Variants in NYNRIN observed in about 807,000 individuals in gnomAD.
NYNRIN encodes NYN domain and retroviral integrase containing.
In NYNRIN, 86 loss-of-function variants were observed where a neutral mutation model predicts 146.6. That is an observed-to-expected ratio of 0.59 (90% confidence interval 0.49 to 0.70). NYNRIN has a LOEUF of 0.70. Among genes scored for constraint, NYNRIN ranks in the 30% least tolerant of loss-of-function variants. NYNRIN has a pLI of 0.00. For synonymous variants in NYNRIN, 1,027 were observed against 1,001.3 expected, an observed-to-expected ratio of 1.03 and a Z score of -0.48; for missense variants, 2,191 against 2,377.7, an observed-to-expected ratio of 0.92 and a Z score of 1.63.
chr14:24,409,108 G>A lies in NYNRIN; in HGVS notation c.1314G>A (p.Leu438=). The A allele has an allele frequency of 6.2e-7, 1 of 1,613,776 alleles. No homozygotes were observed. The highest frequency in any genetic ancestry group is 8.5e-7 in the Non-Finnish European group (1 of 1,179,830). The change falls in exon 4 of 9, where the codon CTG becomes CTA. Residue 438 remains leucine, a synonymous_variant. Coordinates refer to ENST00000382554, the MANE Select transcript of NYNRIN (RefSeq NM_025081.3). Reference sequence around the variant, plus strand: ...CAGCTGGTAGACCAGATGGGGGGCTGGGAGGAGAAGCAGCCCTGCAGAATT... The same window carrying A: ...CAGCTGGTAGACCAGATGGGGGGCTAGGAGGAGAAGCAGCCCTGCAGAATT... ...ESPAGRPDGG[L]GGEAALQNCP... is the part of the protein sequence containing the mutation.
At position 24,415,494 on chromosome 14, in the gene NYNRIN, A is replaced by G. The variant is rs2042938755; in HGVS notation, c.3745A>G (p.Arg1249Gly). ...GGACCCTGAGGTGCGGGAGGGCCGC[A>G]GGGTTTCCAAAGCTTGGTTGATCCG... ...TADPEVREGR[R>G]VSKAWLIRWS... The change falls in exon 9 of 9, where the codon AGG (arginine) becomes GGG (glycine). Residue 1249 changes from arginine (R) to glycine (G), a missense_variant. Arg to Gly is a moderately radical substitution (Grantham distance 125, BLOSUM62 -2). This residue lies in a region of NYNRIN where 1,291 missense variants were observed against 1,417.0 expected (regional missense o/e 0.91). Coordinates refer to ENST00000382554, the MANE Select transcript of NYNRIN (RefSeq NM_025081.3). 1.2e-6 allele frequency: 2 copies of G among 1,613,686 alleles called. No individual in the cohort carries two copies. Among genetic ancestry groups the G allele is most frequent in the Non-Finnish European group, 1.7e-6 (2 of 1,179,824 alleles).
At chr14:24,410,612 T>G (rs1535338) in intron 4 of NYNRIN, among the ~76,000 whole-genome samples, 5 of 152,314 alleles carry the variant, frequency 3.3e-5, no homozygotes, top group African/African-American at 9.6e-5. Flanking sequence ...TTTTCCTGAC[T>G]CTGCTGGCCC....
intron 2 of NYNRIN, among the ~76,000 whole-genome samples, chr14:24,404,601 C>T (rs1284661181): frequency 6.6e-6 from 1 of 152,188 alleles, no homozygotes; most frequent in Non-Finnish European, 1.5e-5. Context: ...GAGTGAAGGA[C>T]AAAAAGCTGA....
rs1004150713 is a variant in NYNRIN, at chr14:24,408,731, A to G, written c.937A>G (p.Thr313Ala). 9.9e-6 allele frequency: 16 copies of G among 1,613,998 alleles called. No individual in the cohort carries two copies. The highest frequency in any genetic ancestry group is 1.4e-5 in the Non-Finnish European group (16 of 1,179,876). ...GCAAGCCACCAGCAGCCAGGACTCC[A>G]CGAACCACACACAAGCCTTGTTGAA... Reference protein sequence around the residue: ...TVQATSSQDSTNHTQALLKQR... With the variant: ...TVQATSSQDSANHTQALLKQR... Residue 313 changes from threonine (T) to alanine (A), a missense_variant, in exon 4 of 9, where the codon ACG becomes GCG. By Grantham distance (58) the Thr-to-Ala change is moderately conservative. Around this residue, in one of 3 missense-constraint regions of NYNRIN, gnomAD observed 895 missense variants for 941.2 expected, o/e 0.95. Coordinates refer to ENST00000382554, the MANE Select transcript of NYNRIN (RefSeq NM_025081.3).
rs752235850 is a variant in NYNRIN, at chr14:24,416,736, C to A, written c.4987C>A (p.Leu1663Met). Reference protein sequence around the residue: ...PYTHTAVAQVLLQHVFARWGV... With the variant: ...PYTHTAVAQVMLQHVFARWGV... ...CACACACACGGCTGTGGCCCAGGTG[C>A]TGCTTCAGCATGTGTTTGCAAGGTG... The change falls in exon 9 of 9, where the codon CTG becomes ATG. Residue 1663 changes from leucine (L) to methionine (M), a missense_variant. Leu to Met is a conservative substitution (Grantham distance 15, BLOSUM62 2). Around this residue, in one of 3 missense-constraint regions of NYNRIN, gnomAD observed 1,291 missense variants for 1,417.0 expected, o/e 0.91. Coordinates refer to ENST00000382554, the MANE Select transcript of NYNRIN (RefSeq NM_025081.3). 1.2e-6 allele frequency: 2 copies of A among 1,613,940 alleles called. No homozygotes were observed. The highest frequency in any genetic ancestry group is 1.7e-6 in the Non-Finnish European group (2 of 1,179,886).
chr14:24,408,817 G>T lies in NYNRIN; in HGVS notation c.1023G>T (p.Leu341=), dbSNP rs542214998. The change falls in exon 4 of 9, where the codon CTG becomes CTT. Residue 341 remains leucine, a synonymous_variant. Coordinates refer to ENST00000382554, the MANE Select transcript of NYNRIN (RefSeq NM_025081.3). The part of the protein sequence containing the change: ...KLLFQPPVSA[L]GVCPPWKAWT... Reference sequence around the variant, plus strand: ...TCTTCCAACCTCCAGTATCAGCCCTGGGTGTGTGCCCACCCTGGAAGGCCT... The same window carrying T: ...TCTTCCAACCTCCAGTATCAGCCCTTGGTGTGTGCCCACCCTGGAAGGCCT... 27 of 1,613,906 alleles carry T rather than the reference G, an allele frequency of 1.7e-5. No homozygotes were observed. The highest frequency in any genetic ancestry group is 2.3e-5 in the Non-Finnish European group (27 of 1,179,888).
rs781357560 is a variant in NYNRIN at position 24,408,508 on chromosome 14, G to A, written c.838G>A (p.Ala280Thr). ...LITAQSTPQE[A>T]ANQLVRVGSN... ...CACAGCCCAGAGCACACCGCAGGAGGCAGCAAACCAGCTGGTACGGTAAGT... is the reference window on the plus strand; with the variant it reads ...CACAGCCCAGAGCACACCGCAGGAGACAGCAAACCAGCTGGTACGGTAAGT... The change falls in exon 3 of 9, where the codon GCA becomes ACA. Residue 280 changes from alanine (A) to threonine (T), a missense_variant. Ala to Thr is a moderately conservative substitution (Grantham distance 58). Around this residue, in one of 3 missense-constraint regions of NYNRIN, gnomAD observed 895 missense variants for 941.2 expected, o/e 0.95. Transcript: ENST00000382554. 1.3e-6 allele frequency: 2 copies of A among 1,580,680 alleles called. No individual in the cohort carries two copies. Among genetic ancestry groups the A allele is most frequent in the South Asian group, 2.3e-5 (2 of 86,164 alleles).
In NYNRIN at chr14:24,415,921, T is replaced by A. The variant is rs1329768082; in HGVS notation, c.4172T>A (p.Leu1391His). The A allele has an allele frequency of 6.2e-7, 1 of 1,613,930 alleles. No homozygotes were observed. Among genetic ancestry groups the A allele is most frequent in the African/African-American group, 1.3e-5 (1 of 75,050 alleles). Residue 1391 changes from leucine to histidine, a missense_variant, in exon 9 of 9, where the codon CTC becomes CAC. Around this residue, in one of 3 missense-constraint regions of NYNRIN, gnomAD observed 1,291 missense variants for 1,417.0 expected, o/e 0.91. Transcript: ENST00000382554. ...AGCCTCCTGTGGGAGCTCCTGCCCC[T>A]CTGGAGGGCTCGGGGCTTCCTCTCC... The part of the protein sequence containing the change: ...IFSLLWELLP[L>H]WRARGFLSSD...
intron 2 of NYNRIN, among the ~76,000 whole-genome samples, chr14:24,404,603 A>G (rs1028349658): frequency 2.8e-4 from 42 of 152,208 alleles, no homozygotes; most frequent in African/African-American, 9.7e-4. Context: ...GTGAAGGACA[A>G]AAAGCTGATT....
At chr14:24,400,258 C>T (rs928771840) in intron 2 of NYNRIN, among the ~76,000 whole-genome samples, 5 of 152,164 alleles carry the variant, frequency 3.3e-5, no homozygotes, top group African/African-American at 4.8e-5. Flanking sequence ...GATCACAGTG[C>T]GCCTCTCTTG....
Position 24,399,214 on chromosome 14 carries a change from G to T in NYNRIN, c.-17-16G>T. On this transcript the variant is annotated splice_polypyrimidine_tract_variant and intron_variant, in intron 1 of 8. Coordinates refer to ENST00000382554, the MANE Select transcript of NYNRIN (RefSeq NM_025081.3). Reference sequence around the variant, plus strand: ...GCCCCGAGACCCGGGTGACACTATCGTCTCCTTCGTTCCAGGAGCGGGCGG... The same window carrying T: ...GCCCCGAGACCCGGGTGACACTATCTTCTCCTTCGTTCCAGGAGCGGGCGG... 9 of 1,606,714 alleles carry T rather than the reference G, an allele frequency of 5.6e-6. No individual in the cohort carries two copies. In the South Asian group the frequency reaches 1.0e-4, roughly 18 times the overall value.
In NYNRIN at chr14:24,399,064, GGCGGGCGCCCGAGCCGT is replaced by G; in HGVS notation, c.-34_-18del. On this transcript the variant is annotated 5_prime_UTR_variant, in exon 1 of 9. Transcript: ENST00000382554. ...GGTCGAAGGGGACCAAGCTCCAGAG[GGCGGGCGCCCGAGCCGT>G]GCGGGGTGGGTCCCGCCGCCTGGAG... The G allele has an allele frequency of 1.8e-6, 1 of 545,816 alleles. No individual in the cohort carries two copies. The highest frequency in any genetic ancestry group is 3.1e-6 in the Non-Finnish European group (1 of 317,556). 33.8% of individuals were successfully genotyped at this position (545,816 alleles called of 1,614,324 possible).
In NYNRIN at chr14:24,418,294, C is replaced by T. The variant is rs1377966785; in HGVS notation, c.*848C>T. On this transcript the variant is annotated 3_prime_UTR_variant, in exon 9 of 9. Coordinates refer to ENST00000382554, the MANE Select transcript of NYNRIN (RefSeq NM_025081.3). ...TTCTGTTAGACCCAGGGGCCCCGGC[C>T]TCTGTTTTAAGGGGGCAGGGCGTCT... is the stretch of plus-strand genomic sequence containing the variant. The T allele has an allele frequency of 4.4e-6, 2 of 456,396 alleles. No individual in the cohort carries two copies. The highest frequency in any genetic ancestry group is 1.4e-4 in the East Asian group (2 of 14,368). The allele number at this position is 456,396 out of a possible 1,614,324, so 28.3% of individuals were successfully genotyped here.
At chr14:24,405,031 AG>A (rs1566483324) in intron 2 of NYNRIN, among the ~76,000 whole-genome samples, 107 of 99,914 alleles carry the variant, frequency 1.1e-3, no homozygotes, top group East Asian at 8.8e-3. Flanking sequence ...TGTGTGTGAG[AG>A]AATGTGTGTG....
chr14:24,416,687 G>A lies in NYNRIN; in HGVS notation c.4938G>A (p.Val1646=). Residue 1646 remains valine, a synonymous_variant, in exon 9 of 9, where the codon GTG becomes GTA. Transcript: ENST00000382554. ...LIVADPNTRW[V]EAFPLKPYTH... is the part of the protein sequence containing the mutation. The stretch of plus-strand genomic sequence containing the variant: ...TGGCTGACCCAAACACCAGGTGGGT[G>A]GAGGCATTCCCCCTGAAGCCCTACA... 6.2e-7 allele frequency: 1 copy of A among 1,613,914 alleles called. No individual in the cohort carries two copies. The highest frequency in any genetic ancestry group is 8.5e-7 in the Non-Finnish European group (1 of 1,179,852).
rs1459096096 is a variant in NYNRIN at position 24,418,170 on chromosome 14, G to T, written c.*724G>T. On this transcript the variant is annotated 3_prime_UTR_variant, in exon 9 of 9. Transcript: ENST00000382554. ...GGTTGGCCTACCTCATTTGACTCCA[G>T]CCAATGGAGACAATTCCTGACCCCT... The T allele has an allele frequency of 4.6e-6, 2 of 435,268 alleles. No individual in the cohort carries two copies. Among genetic ancestry groups the T allele is most frequent in the Non-Finnish European group, 4.6e-6 (1 of 217,098 alleles). 27.0% of individuals were successfully genotyped at this position (435,268 alleles called of 1,614,324 possible). A position where few individuals can be genotyped will look rare whatever the true frequency, so the allele number is the denominator to read the frequency against.
Position 24,413,353 on chromosome 14 carries a change from G to A in NYNRIN, c.2782G>A (p.Val928Met). 1 of 1,613,570 alleles carries A rather than the reference G, an allele frequency of 6.2e-7. No homozygotes were observed. Among genetic ancestry groups the A allele is most frequent in the Non-Finnish European group, 8.5e-7 (1 of 1,179,746 alleles). The change falls in exon 8 of 9, where the codon GTG becomes ATG. Residue 928 changes from valine (V) to methionine (M), a missense_variant. Val to Met is a conservative substitution (Grantham distance 21). Transcript: ENST00000382554. The stretch of plus-strand genomic sequence containing the variant: ...CACCTTTGCGGGGAATCTCTTCATG[G>A]TGCCTGATGACCCCCTGGGCCGTGA... ...PFTFAGNLFM[V>M]PDDPLGRDGP...
intron 7 of NYNRIN, 23 bp downstream of exon 7, chr14:24,413,121 G>A: frequency 6.6e-7 from 1 of 1,524,278 alleles, no homozygotes; most frequent in East Asian, 2.4e-5. Flanking sequence ...CCAGAGGCTT[G>A]AGCCATTCCT....
chr14:24,402,473 G>A (rs1296717460), intron 2 of NYNRIN, among the ~76,000 whole-genome samples: 2 of 152,170 alleles, frequency 1.3e-5, no homozygotes, highest in African/African-American at 4.8e-5. Flanking sequence ...ACTGGGTTCT[G>A]GAGCTCTGGG....
Sources: allele counts gnomAD v4.1 joint callset (sites outside exome capture counted in the v4.1 genomes callset), GRCh38; gene constraint gnomAD v4.1.1; regional missense constraint gnomAD v4.1.1; transcripts MANE v1.5; gene names NCBI Gene and HGNC (gene_info 2026-07-23, HGNC 2026-07-21).